The following TTI2 variants were observed in gnomAD, a reference collection of about 807,000 sequenced individuals.
The protein encoded by TTI2 is TELO2 interacting protein 2, also known as TELO2-interacting protein 2.
In TTI2, 26 loss-of-function variants were observed where a neutral mutation model predicts 44.9. The observed-to-expected ratio is 0.58, with a 90% CI of 0.42 to 0.80. The LOEUF (loss-of-function observed/expected upper bound fraction) is 0.80, where lower values mean the gene tolerates loss of function less well. TTI2 is among the 30% of genes least tolerant of loss of function. The probability of loss-of-function intolerance (pLI) is 0.00; values close to 1 mark genes in which losing one functional copy is unlikely to be tolerated. For synonymous variants in TTI2, 254 were observed against 250.9 expected, an observed-to-expected ratio of 1.01 and a Z score of -0.12; for missense variants, 582 against 611.6, an observed-to-expected ratio of 0.95 and a Z score of 0.51.
At chr8:33,509,191 G>A (rs1422160979) in intron 3 of TTI2, among the ~76,000 whole-genome samples, 2 of 149,152 alleles carry the variant, frequency 1.3e-5, no homozygotes, top group Non-Finnish European at 3.0e-5. Context: ...AGTGGCTCAC[G>A]CCTGTAATCC....
chr8:33,510,578 T>C (rs890342953), intron 2 of TTI2, among the ~76,000 whole-genome samples: 7 of 152,188 alleles, frequency 4.6e-5, no homozygotes, highest in Non-Finnish European at 7.3e-5. Flanking sequence ...GGTTTCACCA[T>C]GTTGCCCAGG....
At position 33,512,564 on chromosome 8, in the gene TTI2, A is replaced by G. The variant is rs1809591952; in HGVS notation, c.50T>C (p.Leu17Ser). The change falls in exon 2 of 8, where the codon TTG becomes TCG. Residue 17 changes from leucine (L) to serine (S), a missense_variant. Leu to Ser is a moderately radical substitution (Grantham distance 145). Transcript: ENST00000431156. ...LEAPSQEDSN[L>S]SEELSHSAFG... ...GGCGGAGTGAGACAACTCCTCGGAC[A>G]AATTAGAGTCTTCCTGCGATGGGGC... 6.2e-7 allele frequency: 1 copy of G among 1,613,986 alleles called. No individual in the cohort carries two copies. The highest frequency in any genetic ancestry group is 8.5e-7 in the Non-Finnish European group (1 of 1,180,036).
In TTI2 at chr8:33,500,726, C is replaced by T. The variant is rs147087979; in HGVS notation, c.1260-236G>A. On this transcript the variant is annotated intron_variant, in intron 6 of 7. Transcript: ENST00000431156. ...GACACACCCTCTGCCACACTGCTCT[C>T]TTCCTTCCAGAAGCTTGGTTCTACT... is the stretch of plus-strand genomic sequence containing the variant. 346 of 468,722 alleles carry T rather than the reference C, an allele frequency of 7.4e-4. 1 individual carries two copies. The highest frequency in any genetic ancestry group is 6.2e-3 in the African/African-American group (313 of 50,802). 29.0% of individuals were successfully genotyped at this position (468,722 alleles called of 1,614,324 possible).
At position 33,503,412 on chromosome 8, in the gene TTI2, C is replaced by G. The variant is rs750413886; in HGVS notation, c.1259+17G>C. 30 of 1,613,926 alleles carry G rather than the reference C, an allele frequency of 1.9e-5. No individual in the cohort carries two copies. In the African/African-American group the frequency reaches 3.7e-4, roughly 20 times the overall value. On this transcript the variant is annotated intron_variant, in intron 6 of 7. Transcript: ENST00000431156. ...AGAGAAAATCGGCTGAGTTTTGCAC[C>G]TTAAGGCTGCTATTACCTGGGCCAA...
rs398122366 is a variant in TTI2 at position 33,503,763 on chromosome 8, G to A, written c.1100C>T (p.Pro367Leu). 9.9e-6 allele frequency: 16 copies of A among 1,613,586 alleles called. No homozygotes were observed. Among genetic ancestry groups the A allele is most frequent in the South Asian group, 5.5e-5 (5 of 91,040 alleles). Residue 367 changes from proline (P) to leucine (L), a missense_variant, in exon 5 of 8, where the codon CCG (proline) becomes CTG (leucine). Coordinates refer to ENST00000431156, the MANE Select transcript of TTI2 (RefSeq NM_001102401.4). Reference protein sequence around the residue: ...LLRRTYARNLPAFVNRLGILT... With the variant: ...LLRRTYARNLLAFVNRLGILT... ...AGGGCCTCACCTGTTCACGAAAGCC[G>A]GCAGGTTTCTTGCGTAGGTCCTGCG... is the stretch of plus-strand genomic sequence containing the variant.
rs1809336777 is a variant in TTI2 at position 33,507,346 on chromosome 8, T to TA, written c.835-26dup. ...GCTGCAACCAGACAAATCGTCAAAT[T>TA]AAAAGAATAGTTTCCCAAGATTGGC... On this transcript the variant is annotated intron_variant, in intron 3 of 7. Transcript: ENST00000431156. 1.1e-5 allele frequency: 17 copies of TA among 1,604,284 alleles called. 1 individual carries two copies. In the Middle Eastern group the frequency reaches 2.8e-3, roughly 266 times the overall value.
chr8:33,509,845 C>G lies in TTI2; in HGVS notation c.735G>C (p.Leu245=). The part of the protein sequence containing the change: ...QVTRPWLSQH[L]ERVLPASLVI... ...CCAATGATGCGGGAAGTACCCTTTC[C>G]AGATGCTGGCTCAGCCAGGGCCGAG... The change falls in exon 3 of 8, where the codon CTG becomes CTC. Residue 245 remains leucine, a synonymous_variant. Transcript: ENST00000431156. 6.2e-7 allele frequency: 1 copy of G among 1,613,978 alleles called. No individual in the cohort carries two copies. Among genetic ancestry groups the G allele is most frequent in the South Asian group, 1.1e-5 (1 of 91,076 alleles).
intron 7 of TTI2, 157 bp downstream of exon 7, chr8:33,500,170 CA>C: frequency 1.4e-6 from 1 of 736,704 alleles, no homozygotes; most frequent in Non-Finnish European, 2.2e-6. Flanking sequence ...GAAAAAAGAT[CA>C]AGCTCTTTTG....
At chr8:33,506,613 G>T (rs1809305385) in intron 4 of TTI2, among the ~76,000 whole-genome samples, 1 of 151,034 alleles carries the variant, frequency 6.6e-6, no homozygotes, top group Non-Finnish European at 1.5e-5. Flanking sequence ...GGATGGTCTT[G>T]ATCTCCTGAC....
rs751082403 is a variant in TTI2, at chr8:33,503,562, G to A, written c.1126C>T (p.Leu376=). Residue 376 remains leucine, a synonymous_variant, in exon 6 of 8, where the codon CTA becomes TTA. Coordinates refer to ENST00000431156, the MANE Select transcript of TTI2 (RefSeq NM_001102401.4). ...LPAFVNRLGI[L]TVRHLKRLER... ...AGCCTCTTTAAGTGCCGGACAGTTA[G>A]GATCCCCAACCTAAAGATGAAAGAG... is the stretch of plus-strand genomic sequence containing the variant. 6 of 1,613,940 alleles carry A rather than the reference G, an allele frequency of 3.7e-6. No individual in the cohort carries two copies. In the East Asian group the frequency reaches 1.3e-4, roughly 36 times the overall value.
At position 33,509,806 on chromosome 8, in the gene TTI2, G is replaced by A. The variant is rs1430720744; in HGVS notation, c.774C>T (p.Asp258=). The A allele has an allele frequency of 6.2e-7, 1 of 1,614,084 alleles. No homozygotes were observed. The highest frequency in any genetic ancestry group is 8.5e-7 in the Non-Finnish European group (1 of 1,180,012). The part of the protein sequence containing the change: ...VLPASLVISD[D]YQTENKILGV... ...CCAGGATTTTGTTCTCAGTCTGATA[G>A]TCATCTGAAATGACCAATGATGCGG... The change falls in exon 3 of 8, where the codon GAC becomes GAT. Residue 258 remains aspartate, a synonymous_variant. Coordinates refer to ENST00000431156, the MANE Select transcript of TTI2 (RefSeq NM_001102401.4).
intron 6 of TTI2, among the ~76,000 whole-genome samples, chr8:33,503,128 CAAAA>C (rs397973510): frequency 2.1e-5 from 1 of 47,282 alleles, no homozygotes; most frequent in Non-Finnish European, 5.6e-5. Context: ...GACTCCATTT[CAAAA>C]AAAAAAAAAA....
chr8:33,499,561 G>T (rs1808987538), intron 7 of TTI2: 1 of 333,114 alleles, frequency 3.0e-6, no homozygotes, highest in African/African-American at 2.1e-5. Context: ...AATTCAGTTG[G>T]ATCTAGGGCT....
Position 33,503,833 on chromosome 8 carries a change from G to A in TTI2, c.1030C>T (p.Arg344Trp), listed in dbSNP as rs137898652. Residue 344 changes from arginine (R) to tryptophan (W), a missense_variant, in exon 5 of 8, where the codon CGG (arginine) becomes TGG (tryptophan). Transcript: ENST00000431156. ...GGCTCCATGTGGGTCAGGATCAGCC[G>A]CAGGACCTCATCACAATGGGTGGTG... Reference protein sequence around the residue: ...RPTTHCDEVLRLILTHMEPEH... With the variant: ...RPTTHCDEVLWLILTHMEPEH... 2.8e-4 allele frequency: 454 copies of A among 1,613,990 alleles called. No homozygotes were observed. Among genetic ancestry groups the A allele is most frequent in the Non-Finnish European group, 3.5e-4 (416 of 1,180,030 alleles).
chr8:33,500,845 CTA>C (rs1809051365), intron 6 of TTI2: 1 of 213,578 alleles, frequency 4.7e-6, no homozygotes, highest in African/African-American at 2.3e-5. Flanking sequence ...ATTAACTGAA[CTA>C]TGCTTGGAGA....
At chr8:33,507,066 G>A (rs1164350118) in intron 4 of TTI2, among the ~76,000 whole-genome samples, 163 bp downstream of exon 4, 1 of 152,180 alleles carries the variant, frequency 6.6e-6, no homozygotes, top group Admixed American at 6.5e-5. Context: ...GAATGTGGAG[G>A]CCTGCTTGGT....
chr8:33,511,904 A>T, intron 2 of TTI2, 63 bp downstream of exon 2: 1 of 1,528,958 alleles, frequency 6.5e-7, no homozygotes, highest in Non-Finnish European at 9.0e-7. Context: ...ATAAATAAAT[A>T]ATAAAAAATA....
Position 33,509,947 on chromosome 8 carries a change from A to AGG in TTI2, c.648-16_648-15insCC. On this transcript the variant is annotated splice_polypyrimidine_tract_variant and intron_variant, in intron 2 of 7. Coordinates refer to ENST00000431156, the MANE Select transcript of TTI2 (RefSeq NM_001102401.4). ...TCCAGGATTCCCTAAGTGAATACATAGAATTACATTAAGTGACATGGTGAT... is the reference window on the plus strand; with the variant it reads ...TCCAGGATTCCCTAAGTGAATACATAGGGAATTACATTAAGTGACATGGTGAT... 1.4e-6 allele frequency: 2 copies of AGG among 1,408,358 alleles called. No homozygotes were observed. Among genetic ancestry groups the AGG allele is most frequent in the Non-Finnish European group, 2.0e-6 (2 of 1,005,940 alleles). 87.2% of individuals were successfully genotyped at this position (1,408,358 alleles called of 1,614,324 possible). A position where few individuals can be genotyped will look rare whatever the true frequency, so the allele number is the denominator to read the frequency against.
intron 7 of TTI2, chr8:33,499,491 T>C (rs1808984307): frequency 2.1e-6 from 1 of 476,466 alleles, no homozygotes; most frequent in Non-Finnish European, 3.8e-6. Flanking sequence ...TTAAAAACTG[T>C]GTTAATGTAC....
Sources: gnomAD v4.1 joint callset for allele counts (sites outside exome capture counted in the v4.1 genomes callset) on GRCh38, gnomAD v4.1.1 for gene constraint, MANE v1.5 for transcripts, NCBI Gene and HGNC (gene_info 2026-07-23, HGNC 2026-07-21) for gene names.